The following TNNC2 variants were observed in gnomAD, a reference collection of about 807,000 sequenced individuals.
The protein encoded by TNNC2 is troponin C2, fast skeletal type, also known as troponin C, skeletal muscle.
TNNC2 carries 14 observed loss-of-function variants against 20.0 expected under a neutral mutation model. That is an observed-to-expected ratio of 0.70 (90% CI 0.46 to 1.09). The LOEUF (loss-of-function observed/expected upper bound fraction) is 1.09. TNNC2 is among the 50% of genes least tolerant of loss of function. TNNC2 has a pLI of 0.00. For synonymous variants in TNNC2, 81 were observed against 77.3 expected, an observed-to-expected ratio of 1.05 and a Z score of -0.25; for missense variants, 163 against 223.8, an observed-to-expected ratio of 0.73 and a Z score of 1.73.
upstream of TNNC2, among the ~76,000 whole-genome samples, chr20:45,830,283 C>A (rs1448034951): frequency 6.8e-6 from 1 of 146,704 alleles, no homozygotes; most frequent in Non-Finnish European, 1.5e-5. Context: ...TTGCACTGAG[C>A]CAAGATCATG....
At chr20:45,828,160 C>T (rs1983020124), upstream of TNNC2, among the ~76,000 whole-genome samples, 2 of 150,988 alleles carry the variant, frequency 1.3e-5, no homozygotes, top group African/African-American at 2.4e-5. Context: ...TTCAGCCTCC[C>T]GAGTAGCTGG....
upstream of TNNC2, among the ~76,000 whole-genome samples, chr20:45,830,490 T>C (rs1983083713): frequency 6.6e-6 from 1 of 152,082 alleles, no homozygotes; most frequent in Non-Finnish European, 1.5e-5. Flanking sequence ...TAACATCACT[T>C]CCTCGGGGAT....
At position 45,825,156 on chromosome 20, in the gene TNNC2, T is replaced by C. The variant is rs147018900; in HGVS notation, c.4-322A>G. 2.2e-4 allele frequency among the ~76,000 whole-genome samples: 34 copies of C among 152,126 alleles called. 1 individual carries two copies. The highest frequency in any genetic ancestry group is 6.8e-3 in the Middle Eastern group (2 of 294). On this transcript the variant is annotated intron_variant, in intron 1 of 5. Coordinates refer to ENST00000372555, the MANE Select transcript of TNNC2 (RefSeq NM_003279.3). ...CACCACGCCTAATTTTTAAAATTTT[T>C]TGTAGAGATGGGGTCCCACTATATT...
intron 4 of TNNC2, 80 bp from the exon 5 acceptor site, chr20:45,824,207 A>T: frequency 6.3e-7 from 1 of 1,597,816 alleles, no homozygotes; most frequent in East Asian, 2.2e-5. Context: ...CCGCTTCCGC[A>T]CTCCCAACAC....
At chr20:45,825,808 T>A (rs1982953220) in intron 1 of TNNC2, among the ~76,000 whole-genome samples, 1 of 151,478 alleles carries the variant, frequency 6.6e-6, no homozygotes, top group Non-Finnish European at 1.5e-5. Context: ...TTAGTAGAGA[T>A]GAGGTTTCTC....
Position 45,824,147 on chromosome 20 carries a change from G to A in TNNC2, c.315-20C>T. 2 of 1,612,528 alleles carry A rather than the reference G, an allele frequency of 1.2e-6. No homozygotes were observed. Among genetic ancestry groups the A allele is most frequent in the South Asian group, 1.1e-5 (1 of 91,044 alleles). ...GCATTCCTTCAGGTCCGAGGGACAGGGCAGGGCTCAGGGCCGGGGCGAGCT... is the reference window on the plus strand; with the variant it reads ...GCATTCCTTCAGGTCCGAGGGACAGAGCAGGGCTCAGGGCCGGGGCGAGCT... On this transcript the variant is annotated intron_variant, in intron 4 of 5. Coordinates refer to ENST00000372555, the MANE Select transcript of TNNC2 (RefSeq NM_003279.3).
rs760186895 is a variant in TNNC2, at chr20:45,824,297, G to C, written c.309C>G (p.Phe103Leu). 24 of 1,610,072 alleles carry C rather than the reference G, an allele frequency of 1.5e-5. No homozygotes were observed. Among genetic ancestry groups the C allele is most frequent in the Admixed American group, 3.3e-5 (2 of 59,990 alleles). ...EEELAECFRI[F>L]DRNADGYIDP... ...CTCCCGGGCCCCCAGCGCACCTGTC[G>C]AAGATGCGGAAGCACTCGGCCAGCT... Residue 103 changes from phenylalanine (F) to leucine (L), a missense_variant, in exon 4 of 6, where the codon TTC becomes TTG. By Grantham distance (22) the Phe-to-Leu change is conservative. Coordinates refer to ENST00000372555, the MANE Select transcript of TNNC2 (RefSeq NM_003279.3).
intron 1 of TNNC2, 89 bp from the exon 2 acceptor site, chr20:45,824,923 G>T: frequency 7.0e-7 from 1 of 1,428,120 alleles, no homozygotes. Flanking sequence ...CCCCCACTCT[G>T]TCAGCGCCCT....
chr20:45,823,882 C>G lies in TNNC2; in HGVS notation c.451+109G>C. ...GACTATGGGGAACTTGGTGAAGTTACGCCCAGCCCAGCCCACAAGGCCAAG... is the reference window on the plus strand; with the variant it reads ...GACTATGGGGAACTTGGTGAAGTTAGGCCCAGCCCAGCCCACAAGGCCAAG... On this transcript the variant is annotated intron_variant, in intron 5 of 5. Coordinates refer to ENST00000372555, the MANE Select transcript of TNNC2 (RefSeq NM_003279.3). This position sits in a 1 kb window ranked among gnomAD's most constrained non-coding sequence, Gnocchi z 4.6. 6.5e-7 allele frequency: 1 copy of G among 1,541,770 alleles called. No homozygotes were observed. Among genetic ancestry groups the G allele is most frequent in the Non-Finnish European group, 8.8e-7 (1 of 1,140,732 alleles).
chr20:45,830,877 G>A (rs1983092599), upstream of TNNC2, among the ~76,000 whole-genome samples: 1 of 152,152 alleles, frequency 6.6e-6, no homozygotes, highest in Non-Finnish European at 1.5e-5. Context: ...TGGGGGCAGT[G>A]GCTCACACTT....
upstream of TNNC2, among the ~76,000 whole-genome samples, chr20:45,829,909 T>G (rs1478767635): frequency 6.6e-6 from 1 of 151,830 alleles, no homozygotes; most frequent in Admixed American, 6.6e-5. Flanking sequence ...GCCCAGCCTT[T>G]GTTCTTTTGT....
upstream of TNNC2, among the ~76,000 whole-genome samples, chr20:45,830,031 C>G (rs1218940930): frequency 1.3e-5 from 2 of 151,690 alleles, no homozygotes; most frequent in Admixed American, 6.6e-5. Context: ...CTGCTCTGAT[C>G]AGACTTTAAA....
chr20:45,825,830 G>A (rs1982953640), intron 1 of TNNC2, among the ~76,000 whole-genome samples: 1 of 152,054 alleles, frequency 6.6e-6, no homozygotes, highest in African/African-American at 2.4e-5. Context: ...ATGTTGGTCA[G>A]GCTGGTCTCG....
chr20:45,827,162 G>T (rs966864517), intron 1 of TNNC2, 84 bp downstream of exon 1: 1 of 1,574,556 alleles, frequency 6.4e-7, no homozygotes, highest in African/African-American at 1.3e-5. Flanking sequence ...CCAAGTTACT[G>T]CCCCACAGAG....
intron 2 of TNNC2, among the ~76,000 whole-genome samples, chr20:45,832,444 T>A (rs1568722733): frequency 6.6e-6 from 1 of 152,144 alleles, no homozygotes. Flanking sequence ...AATGGACCAT[T>A]AATGTCCAGT....
intron 4 of TNNC2, 73 bp downstream of exon 4, chr20:45,824,219 G>A: frequency 6.2e-7 from 1 of 1,600,324 alleles, no homozygotes; most frequent in Middle Eastern, 1.7e-4. Flanking sequence ...TCCCAACACG[G>A]GGAAGCTTCC....
chr20:45,824,701 C>CA, intron 2 of TNNC2, 63 bp from the exon 3 acceptor site: 10 of 1,569,694 alleles, frequency 6.4e-6, no homozygotes, highest in South Asian at 3.4e-5. Flanking sequence ...CACCTACCCC[C>CA]CCCCAACCCC....
upstream of TNNC2, among the ~76,000 whole-genome samples, chr20:45,831,357 A>G (rs189959938): frequency 4.4e-4 from 67 of 152,296 alleles, no homozygotes; most frequent in East Asian, 0.011. Context: ...CAGGTGGATC[A>G]TTTGAGGTCA....
chr20:45,824,673 G>A (rs772395951), intron 2 of TNNC2, 35 bp from the exon 3 acceptor site: 1 of 1,606,072 alleles, frequency 6.2e-7, no homozygotes, highest in Admixed American at 1.7e-5. Flanking sequence ...GGTGAGGCCT[G>A]CTGGACTGTC....
Sources: allele counts gnomAD v4.1 joint callset (sites outside exome capture counted in the v4.1 genomes callset), GRCh38; gene constraint gnomAD v4.1.1; non-coding constraint Gnocchi (gnomAD v3.1); transcripts MANE v1.5; gene names NCBI Gene and HGNC (gene_info 2026-07-23, HGNC 2026-07-21).